IGF2BP2: variants seen among roughly 807,000 people sequenced by gnomAD.
IGF2BP2 encodes the protein insulin like growth factor 2 mRNA binding protein 2.
IGF2BP2 carries 17 observed loss-of-function variants against 75.8 expected under a neutral mutation model. The ratio of observed to expected loss-of-function variants is 0.22; its 90% CI spans 0.15 to 0.34. The LOEUF (loss-of-function observed/expected upper bound fraction) is 0.34. IGF2BP2 is among the 10% of genes least tolerant of loss of function. The pLI is 1.00. For synonymous variants in IGF2BP2, 288 were observed against 295.6 expected, an observed-to-expected ratio of 0.97 and a Z score of 0.26; for missense variants, 516 against 772.4, an observed-to-expected ratio of 0.67 and a Z score of 3.93.
chr3:185,650,665 A>G (rs1362823727), intron 13 of IGF2BP2, among the ~76,000 whole-genome samples: 2 of 152,038 alleles, frequency 1.3e-5, no homozygotes, highest in Non-Finnish European at 2.9e-5. Context: ...TGACAGAGGG[A>G]GACTCCGTCT....
At chr3:185,798,503 T>C (rs1032999718) in intron 2 of IGF2BP2, among the ~76,000 whole-genome samples, 1 of 152,232 alleles carries the variant, frequency 6.6e-6, no homozygotes, top group African/African-American at 2.4e-5. Context: ...GCCAATTTTA[T>C]TGGACTTGGA....
In IGF2BP2 at chr3:185,647,392, G is replaced by A. The variant is rs1291348851; in HGVS notation, c.1594-254C>T. 2.0e-5 allele frequency among the ~76,000 whole-genome samples: 3 copies of A among 152,074 alleles called. No individual in the cohort carries two copies. The highest frequency in any genetic ancestry group is 4.4e-5 in the Non-Finnish European group (3 of 68,008). ...ACAGATTCCTGGGGCTGCTTCTGAG[G>A]CGAAGTTCTCTTATTCTGGAGTTCC... On this transcript the variant is annotated intron_variant, in intron 14 of 15. Coordinates refer to ENST00000382199, the MANE Select transcript of IGF2BP2 (RefSeq NM_006548.6). This position sits in a 1 kb window ranked among gnomAD's most constrained non-coding sequence, Gnocchi z 4.9.
intron 10 of IGF2BP2, among the ~76,000 whole-genome samples, chr3:185,662,966 C>A (rs2149134260): frequency 6.6e-6 from 1 of 152,274 alleles, no homozygotes; most frequent in African/African-American, 2.4e-5. Flanking sequence ...ACGAGTGAGC[C>A]ACCACACCCA....
chr3:185,662,080 GC>G (rs1206500590), intron 10 of IGF2BP2, among the ~76,000 whole-genome samples: 1 of 152,142 alleles, frequency 6.6e-6, no homozygotes, highest in Non-Finnish European at 1.5e-5. Context: ...CAGGACAGAC[GC>G]CCTTGACGGG....
At chr3:185,783,876 T>C (rs1237175802) in intron 2 of IGF2BP2, among the ~76,000 whole-genome samples, 1 of 152,204 alleles carries the variant, frequency 6.6e-6, no homozygotes, top group African/African-American at 2.4e-5. Context: ...TGACAGAAAG[T>C]TATTATACAT....
intron 7 of IGF2BP2, among the ~76,000 whole-genome samples, chr3:185,686,334 A>G (rs1438732540): frequency 6.6e-6 from 1 of 151,918 alleles, no homozygotes; most frequent in East Asian, 1.9e-4. Flanking sequence ...CCGTGAGACA[A>G]GATTGCACTA....
intron 2 of IGF2BP2, among the ~76,000 whole-genome samples, chr3:185,786,524 T>G (rs996584305): frequency 6.6e-6 from 1 of 152,104 alleles, no homozygotes; most frequent in African/African-American, 2.4e-5. Context: ...GCTCCCCCAC[T>G]GAGCACCTTG....
chr3:185,820,988 C>T (rs889662906), intron 2 of IGF2BP2: 168 of 1,534,254 alleles, frequency 1.1e-4, no homozygotes, highest in Non-Finnish European at 1.4e-4. Context: ...AACATAAAAG[C>T]TTTGGTTTCA....
At chr3:185,792,331 G>T (rs971553826) in intron 2 of IGF2BP2, among the ~76,000 whole-genome samples, 1 of 152,182 alleles carries the variant, frequency 6.6e-6, no homozygotes, top group East Asian at 1.9e-4. Flanking sequence ...AGGGCTGGGC[G>T]GGGTGGCTCA....
chr3:185,677,068 T>TATATATATATTATATAGAGAGAGAG lies in IGF2BP2; in HGVS notation c.813-1156_813-1155insCTCTCTCTCTATATAATATATATAT. Among the ~76,000 whole-genome samples the TATATATATATTATATAGAGAGAGAG allele has an allele frequency of 8.9e-4, 32 of 35,862 alleles. 1 individual carries two copies. The highest frequency in any genetic ancestry group is 5.0e-3 in the African/African-American group (32 of 6,396). The allele number at this position is 35,862 out of a possible 152,430, so 23.5% of individuals were successfully genotyped here. A position where few individuals can be genotyped will look rare whatever the true frequency, so the allele number is the denominator to read the frequency against. On this transcript the variant is annotated intron_variant, in intron 7 of 15. Transcript: ENST00000382199. ...AGATATATATATATATATATATATA[T>TATATATATATTATATAGAGAGAGAG]AGAGAGAGAGAGAGAGAGAGAGAGA... is the stretch of plus-strand genomic sequence containing the variant.
intron 5 of IGF2BP2, 41 bp downstream of exon 5, chr3:185,692,658 A>C: frequency 1.3e-6 from 2 of 1,496,112 alleles, no homozygotes; most frequent in Non-Finnish European, 1.8e-6. Flanking sequence ...CAAATATAAA[A>C]ACAAATAAAT....
chr3:185,730,591 C>T (rs924967565), intron 2 of IGF2BP2, among the ~76,000 whole-genome samples: 69 of 152,062 alleles, frequency 4.5e-4, no homozygotes, highest in African/African-American at 1.6e-3. Context: ...TGCGCCACCA[C>T]GCCCGGCTAA....
At chr3:185,680,979 A>G (rs1720299962) in intron 7 of IGF2BP2, among the ~76,000 whole-genome samples, 1 of 152,202 alleles carries the variant, frequency 6.6e-6, no homozygotes, top group African/African-American at 2.4e-5. Flanking sequence ...AGCTAACATC[A>G]CACTCAACGA....
At chr3:185,654,251 G>A (rs34541750) in intron 12 of IGF2BP2, among the ~76,000 whole-genome samples, 9,417 of 152,202 alleles carry the variant, frequency 0.062, 408 homozygotes, top group South Asian at 0.084. Context: ...GCAGGGCCTC[G>A]GCCGAAAAAC....
chr3:185,807,679 T>C (rs1739203386), intron 2 of IGF2BP2, among the ~76,000 whole-genome samples: 1 of 152,228 alleles, frequency 6.6e-6, no homozygotes, highest in African/African-American at 2.4e-5. Context: ...TCATGTTTAA[T>C]GAACAAAATA....
At chr3:185,729,705 C>T (rs1212738301) in intron 2 of IGF2BP2, 1 of 152,202 alleles carries the variant, frequency 6.6e-6, no homozygotes, top group Non-Finnish European at 1.5e-5. Context: ...TAAGAAACTA[C>T]TGCTTGTCAA....
At chr3:185,768,027 T>C (rs1236917041) in intron 2 of IGF2BP2, 1 of 152,188 alleles carries the variant, frequency 6.6e-6, no homozygotes, top group Non-Finnish European at 1.5e-5. Flanking sequence ...AGCCCTTATA[T>C]ACACTTTTGT....
chr3:185,668,695 G>C (rs1718058828), intron 10 of IGF2BP2, among the ~76,000 whole-genome samples: 1 of 151,464 alleles, frequency 6.6e-6, no homozygotes, highest in African/African-American at 2.4e-5. Context: ...GAGAATATCT[G>C]TTGAAAATAT....
intron 12 of IGF2BP2, among the ~76,000 whole-genome samples, chr3:185,656,008 C>T (rs1390064966): frequency 6.6e-6 from 1 of 152,222 alleles, no homozygotes; most frequent in East Asian, 1.9e-4. Flanking sequence ...TTGCCCATGT[C>T]CCGGCACTCT....
Sources: gnomAD v4.1 joint callset for allele counts (sites outside exome capture counted in the v4.1 genomes callset) on GRCh38, gnomAD v4.1.1 for gene constraint, Gnocchi (gnomAD v3.1) non-coding constraint, MANE v1.5 for transcripts, NCBI Gene and HGNC (gene_info 2026-07-23, HGNC 2026-07-21) for gene names.